The following GRIK3 variants were observed in gnomAD, a reference collection of about 807,000 sequenced individuals.
GRIK3 encodes the protein glutamate ionotropic receptor kainate type subunit 3.
GRIK3 carries 29 observed loss-of-function variants against 102.5 expected under a neutral mutation model. That is an observed-to-expected ratio of 0.28 (90% confidence interval 0.21 to 0.39). The LOEUF is 0.39. GRIK3 is among the 10% of genes least tolerant of loss of function. GRIK3 has a pLI of 1.00. For missense variants in GRIK3, 908 were observed against 1,252.4 expected, an observed-to-expected ratio of 0.73 and a Z score of 4.15; for synonymous variants, 511 against 504.9, an observed-to-expected ratio of 1.01 and a Z score of -0.16.
At chr1:37,032,789 G>T (rs900995225) in intron 1 of GRIK3, among the ~76,000 whole-genome samples, 23 of 152,210 alleles carry the variant, frequency 1.5e-4, no homozygotes, top group Admixed American at 3.9e-4. Context: ...GCTCCCGGGC[G>T]GCCGCCCAGG....
At chr1:36,832,780 C>A (rs767148978) in intron 10 of GRIK3, among the ~76,000 whole-genome samples, 5 of 152,198 alleles carry the variant, frequency 3.3e-5, no homozygotes, top group Non-Finnish European at 5.9e-5. Flanking sequence ...AGGTTGGAGG[C>A]ACCATGGACT....
chr1:36,881,913 G>A (rs1336641532), intron 2 of GRIK3, among the ~76,000 whole-genome samples: 2 of 152,064 alleles, frequency 1.3e-5, no homozygotes, highest in Non-Finnish European at 2.9e-5. Flanking sequence ...GATGCTCCTT[G>A]AACATGCTAA....
At chr1:36,836,782 G>A (rs562819172) in intron 10 of GRIK3, among the ~76,000 whole-genome samples, 2 of 152,232 alleles carry the variant, frequency 1.3e-5, no homozygotes, top group South Asian at 2.1e-4. Context: ...ATGCATCCCC[G>A]TTAGCCTCCC....
rs74064760 is a variant in GRIK3 at position 36,812,392 on chromosome 1, C to T, written c.2091+4668G>A. 9.4e-3 allele frequency among the ~76,000 whole-genome samples: 1,427 copies of T among 152,236 alleles called. 17 individuals carry two copies. The highest frequency in any genetic ancestry group is 0.031 in the African/African-American group (1,291 of 41,556). ...CCCAGCACTGAAAAAGGTCTAAGTG[C>T]TTGGAGAAGCTGTCTTCCGATGTCC... is the stretch of plus-strand genomic sequence containing the variant. On this transcript the variant is annotated intron_variant, in intron 13 of 15. Coordinates refer to ENST00000373091, the MANE Select transcript of GRIK3 (RefSeq NM_000831.4).
intron 2 of GRIK3, among the ~76,000 whole-genome samples, chr1:36,882,531 C>A (rs1276596376): frequency 6.6e-6 from 1 of 152,208 alleles, no homozygotes; most frequent in Non-Finnish European, 1.5e-5. Flanking sequence ...TTCCTTGGGG[C>A]TTCACCCCTC....
At chr1:36,855,099 C>T (rs1640635428) in intron 7 of GRIK3, among the ~76,000 whole-genome samples, 1 of 152,180 alleles carries the variant, frequency 6.6e-6, no homozygotes, top group Admixed American at 6.5e-5. Context: ...CACTTGGGAG[C>T]AAGAGGAGGG....
intron 7 of GRIK3, among the ~76,000 whole-genome samples, chr1:36,857,435 G>T (rs543857086): frequency 2.6e-5 from 4 of 152,324 alleles, no homozygotes; most frequent in Admixed American, 1.3e-4. Context: ...GATGAGAAGG[G>T]ATCATCAGGC....
rs1044745281 is a variant in GRIK3, at chr1:36,872,110, C to A, written c.732+78G>T. 4.8e-5 allele frequency: 64 copies of A among 1,344,510 alleles called. No homozygotes were observed. In the African/African-American group the frequency reaches 7.5e-4, roughly 16 times the overall value. 83.3% of individuals were successfully genotyped at this position (1,344,510 alleles called of 1,614,324 possible). A position where few individuals can be genotyped will look rare whatever the true frequency, so the allele number is the denominator to read the frequency against. ...CAAACTTAGATCTGGCAGCATCACA[C>A]CCACATTTGGGAAGGGGACGTGGGA... is the stretch of plus-strand genomic sequence containing the variant. On this transcript the variant is annotated intron_variant, in intron 4 of 15. Coordinates refer to ENST00000373091, the MANE Select transcript of GRIK3 (RefSeq NM_000831.4). The surrounding 1 kb of genome is among the most constrained non-coding windows in gnomAD (Gnocchi z 5.9).
chr1:36,842,010 G>A, intron 9 of GRIK3, 71 bp from the exon 10 acceptor site: 3 of 1,233,164 alleles, frequency 2.4e-6, no homozygotes, highest in Non-Finnish European at 3.6e-6. Flanking sequence ...GCACTGGAGA[G>A]TCAGGGCTAG....
chr1:36,835,070 A>G (rs1640356788), intron 10 of GRIK3, among the ~76,000 whole-genome samples: 1 of 152,184 alleles, frequency 6.6e-6, no homozygotes, highest in African/African-American at 2.4e-5. Context: ...TGTCTGATTC[A>G]TTGTTTGCCC....
chr1:36,822,672 C>T (rs927165725), intron 11 of GRIK3, among the ~76,000 whole-genome samples: 2 of 152,160 alleles, frequency 1.3e-5, no homozygotes, highest in African/African-American at 4.8e-5. Flanking sequence ...GAGGAGGAGA[C>T]AGGGCATCCA....
In GRIK3 at chr1:36,872,795, T is replaced by C. The variant is rs1161763916; in HGVS notation, c.551-426A>G. ...CTAAATCAGAGTTCACCCCTCTTCT[T>C]CTGTACCCACCCCCAACATTGTGAG... is the stretch of plus-strand genomic sequence containing the variant. On this transcript the variant is annotated intron_variant, in intron 3 of 15. Coordinates refer to ENST00000373091, the MANE Select transcript of GRIK3 (RefSeq NM_000831.4). This position sits in a 1 kb window ranked among gnomAD's most constrained non-coding sequence, Gnocchi z 5.9. 2.0e-5 allele frequency among the ~76,000 whole-genome samples: 3 copies of C among 152,162 alleles called. No individual in the cohort carries two copies. Among genetic ancestry groups the C allele is most frequent in the Admixed American group, 1.3e-4 (2 of 15,282 alleles).
chr1:36,803,839 T>C (rs1482707417), intron 15 of GRIK3, among the ~76,000 whole-genome samples: 1 of 152,250 alleles, frequency 6.6e-6, no homozygotes, highest in Non-Finnish European at 1.5e-5. Flanking sequence ...GTTAGACATT[T>C]AGGTGTTTAC....
chr1:36,804,706 A>C, intron 15 of GRIK3: 1 of 521,410 alleles, frequency 1.9e-6, no homozygotes, highest in Non-Finnish European at 3.4e-6. Context: ...TGAATTGTGG[A>C]TGGTGTTGGG....
At position 36,817,269 on chromosome 1, in the gene GRIK3, G is replaced by C; in HGVS notation, c.1882C>G (p.Leu628Val). 1 of 1,608,882 alleles carries C rather than the reference G, an allele frequency of 6.2e-7. No homozygotes were observed. The highest frequency in any genetic ancestry group is 8.5e-7 in the Non-Finnish European group (1 of 1,175,284). Residue 628 changes from leucine (L) to valine (V), a missense_variant, in exon 13 of 16, where the codon CTG (leucine) becomes GTG (valine). Around this residue, in one of 3 missense-constraint regions of GRIK3, gnomAD observed 26 missense variants for 64.8 expected, o/e 0.40. Coordinates refer to ENST00000373091, the MANE Select transcript of GRIK3 (RefSeq NM_000831.4). Reference sequence around the variant, plus strand: ...CGTGTGGACAGGGCTTTGGGCATCAGCTCAGACCCTGGGCGAAGAGAGGAG... The same window carrying C: ...CGTGTGGACAGGGCTTTGGGCATCACCTCAGACCCTGGGCGAAGAGAGGAG... ...MGSLMQQGSE[L>V]MPKALSTRII...
Position 36,893,740 on chromosome 1 carries a change from A to G in GRIK3, c.116-2644T>C, listed in dbSNP as rs370461951. Among the ~76,000 whole-genome samples, 12 of 152,328 alleles carry G rather than the reference A, an allele frequency of 7.9e-5. No homozygotes were observed. The East Asian group carries it at 1.7e-3, about 22-fold the overall frequency. ...GTAGGCATATGGATCATGTATGGGG[A>G]AGGAGATCTAGGGACGTTCAACCAG... On this transcript the variant is annotated intron_variant, in intron 1 of 15. Transcript: ENST00000373091.
At chr1:36,937,666 T>C (rs544430921) in intron 1 of GRIK3, among the ~76,000 whole-genome samples, 2 of 151,980 alleles carry the variant, frequency 1.3e-5, no homozygotes, top group South Asian at 4.2e-4. Flanking sequence ...ACAATCTAGT[T>C]GAGGAAATAA....
At chr1:36,973,895 AATTTT>A in intron 1 of GRIK3, among the ~76,000 whole-genome samples, 1 of 152,038 alleles carries the variant, frequency 6.6e-6, no homozygotes, top group African/African-American at 2.4e-5. Flanking sequence ...GTCTCACCTG[AATTTT>A]GGGAAGGTCA....
intron 1 of GRIK3, among the ~76,000 whole-genome samples, chr1:37,030,425 G>A (rs908546310): frequency 1.3e-5 from 2 of 152,086 alleles, no homozygotes; most frequent in Non-Finnish European, 2.9e-5. Flanking sequence ...ATCGGCTGCT[G>A]TTGCCTGCTG....
Sources: allele counts gnomAD v4.1 joint callset (sites outside exome capture counted in the v4.1 genomes callset), GRCh38; gene constraint gnomAD v4.1.1; regional missense constraint gnomAD v4.1.1; non-coding constraint Gnocchi (gnomAD v3.1); transcripts MANE v1.5; gene names NCBI Gene and HGNC (gene_info 2026-07-23, HGNC 2026-07-21).